Variants in ZFPM2 observed in about 807,000 individuals in gnomAD.
ZFPM2 encodes zinc finger protein, FOG family member 2.
A neutral mutation model predicts 98.6 loss-of-function variants in ZFPM2; 20 were observed. The observed-to-expected ratio is 0.20, with a 90% confidence interval of 0.14 to 0.29. ZFPM2 has a LOEUF of 0.29. ZFPM2 is among the 10% of genes least tolerant of loss of function. The pLI, the probability that ZFPM2 is intolerant of heterozygous loss-of-function variation, is 1.00. For missense variants in ZFPM2, 1,310 were observed against 1,388.6 expected (o/e 0.94, Z 0.90); for synonymous variants, 518 against 502.7 (o/e 1.03, Z -0.41).
chr8:105,658,234 A>C (rs1190746403), intron 5 of ZFPM2, among the ~76,000 whole-genome samples: 1 of 152,070 alleles, frequency 6.6e-6, no homozygotes, highest in Non-Finnish European at 1.5e-5. Context: ...ACAAGTCAAA[A>C]TCCTTTGCTT....
At chr8:105,415,599 A>G (rs886917302) in intron 1 of ZFPM2, among the ~76,000 whole-genome samples, 6 of 151,946 alleles carry the variant, frequency 3.9e-5, no homozygotes, top group African/African-American at 1.5e-4. Context: ...TCCCTCCTTC[A>G]TTGGTGCTAT....
intron 6 of ZFPM2, among the ~76,000 whole-genome samples, chr8:105,789,855 A>G (rs1813545169): frequency 1.3e-5 from 2 of 150,256 alleles, no homozygotes; most frequent in Non-Finnish European, 3.0e-5. Flanking sequence ...GCATTTTTTC[A>G]TGTGTTTTTT....
intron 5 of ZFPM2, among the ~76,000 whole-genome samples, chr8:105,657,962 G>A (rs1817316829): frequency 6.6e-6 from 1 of 152,110 alleles, no homozygotes. Flanking sequence ...TCACTAAGAG[G>A]TAGGAGACTC....
At chr8:105,728,654 T>G (rs1248285821) in intron 5 of ZFPM2, among the ~76,000 whole-genome samples, 1 of 151,794 alleles carries the variant, frequency 6.6e-6, no homozygotes, top group Non-Finnish European at 1.5e-5. Flanking sequence ...ATTTCCAATC[T>G]ACATCATTAA....
intron 5 of ZFPM2, among the ~76,000 whole-genome samples, chr8:105,706,952 G>A (rs1177011627): frequency 6.6e-6 from 1 of 151,692 alleles, no homozygotes; most frequent in African/African-American, 2.4e-5. Flanking sequence ...AGATTAAAAA[G>A]TATTTAGGCT....
chr8:105,660,884 C>T (rs911349155), intron 5 of ZFPM2, among the ~76,000 whole-genome samples: 2 of 152,100 alleles, frequency 1.3e-5, no homozygotes, highest in Non-Finnish European at 2.9e-5. Context: ...CATCATATTG[C>T]AGACACAAAA....
At chr8:105,472,051 C>A (rs1022523077) in intron 3 of ZFPM2, among the ~76,000 whole-genome samples, 9 of 152,136 alleles carry the variant, frequency 5.9e-5, no homozygotes, top group Non-Finnish European at 1.3e-4. Flanking sequence ...GCATGATGAT[C>A]TCTGAGAACC....
Position 105,770,643 on chromosome 8 carries a change from G to C in ZFPM2, c.533-18075G>C, listed in dbSNP as rs1320473823. 6.6e-5 allele frequency among the ~76,000 whole-genome samples: 10 copies of C among 152,128 alleles called. No homozygotes were observed. In the East Asian group the frequency reaches 1.9e-3, roughly 29 times the overall value. On this transcript the variant is annotated intron_variant, in intron 5 of 7. Transcript: ENST00000407775. ...AGAGGGCACATTATTTTGTTATTTA[G>C]ATAGTAAGTAAACTCTTCTGTTCTG...
At chr8:105,639,507 C>A (rs960204857) in intron 5 of ZFPM2, among the ~76,000 whole-genome samples, 5 of 151,864 alleles carry the variant, frequency 3.3e-5, no homozygotes, top group African/African-American at 1.2e-4. Flanking sequence ...TCTTTATATG[C>A]GAAGCCACAA....
intron 3 of ZFPM2, 99 bp downstream of exon 3, chr8:105,444,480 T>C (rs1812328252): frequency 2.6e-6 from 2 of 770,412 alleles, no homozygotes; most frequent in East Asian, 2.8e-5. Flanking sequence ...AAAAATGTTT[T>C]TGTGTGTGCT....
chr8:105,622,154 A>G (rs1275890381), intron 4 of ZFPM2, among the ~76,000 whole-genome samples: 1 of 152,108 alleles, frequency 6.6e-6, no homozygotes, highest in Admixed American at 6.6e-5. Flanking sequence ...ATAAATAAAT[A>G]AAACAACTTG....
intron 5 of ZFPM2, among the ~76,000 whole-genome samples, chr8:105,691,966 T>C (rs1810895687): frequency 6.6e-6 from 1 of 152,204 alleles, no homozygotes; most frequent in African/African-American, 2.4e-5. Flanking sequence ...TAAATTGACT[T>C]TAGGCAAAAC....
At chr8:105,710,661 A>T (rs1203271155) in intron 5 of ZFPM2, among the ~76,000 whole-genome samples, 1 of 116,198 alleles carries the variant, frequency 8.6e-6, no homozygotes, top group African/African-American at 3.5e-5. Context: ...AAATGCACAA[A>T]ATTGTGTGTG....
At chr8:105,517,707 C>CACCACACACACACACA (rs61552974) in intron 3 of ZFPM2, among the ~76,000 whole-genome samples, 9,063 of 124,724 alleles carry the variant, frequency 0.073, 490 homozygotes, top group African/African-American at 0.13. Flanking sequence ...CACACACACA[C>CACCACACACACACACA]CACACACACA....
chr8:105,726,746 G>T (rs552993018), intron 5 of ZFPM2, among the ~76,000 whole-genome samples: 2 of 151,798 alleles, frequency 1.3e-5, no homozygotes, highest in East Asian at 2.0e-4. Flanking sequence ...GATAAGTGTG[G>T]CAGGATGTGA....
intron 5 of ZFPM2, among the ~76,000 whole-genome samples, chr8:105,651,260 C>T (rs1817168034): frequency 6.6e-6 from 1 of 152,102 alleles, no homozygotes; most frequent in South Asian, 2.1e-4. Flanking sequence ...TGTTACTGCT[C>T]TTCCCCAGAA....
intron 5 of ZFPM2, among the ~76,000 whole-genome samples, chr8:105,764,504 A>G (rs1381757200): frequency 6.6e-6 from 1 of 151,654 alleles, no homozygotes; most frequent in African/African-American, 2.4e-5. Flanking sequence ...AATTCACTGA[A>G]TCAATACTTT....
At chr8:105,644,540 A>T (rs1268951786) in intron 5 of ZFPM2, among the ~76,000 whole-genome samples, 1 of 151,260 alleles carries the variant, frequency 6.6e-6, no homozygotes, top group African/African-American at 2.4e-5. Flanking sequence ...CTCGCTCCCC[A>T]TACCCCCATC....
intron 6 of ZFPM2, among the ~76,000 whole-genome samples, chr8:105,791,479 G>A (rs1022554920): frequency 6.6e-6 from 1 of 151,822 alleles, no homozygotes; most frequent in Non-Finnish European, 1.5e-5. Context: ...ATGTGCTGCT[G>A]GATTCAGTTT....
Sources: allele counts gnomAD v4.1 joint callset (sites outside exome capture counted in the v4.1 genomes callset), GRCh38; gene constraint gnomAD v4.1.1; transcripts MANE v1.5; gene names NCBI Gene and HGNC (gene_info 2026-07-23, HGNC 2026-07-21).